Variants in NBAS observed in about 807,000 individuals in gnomAD.
The protein encoded by NBAS is NAG/BC035112 fusion.
NBAS carries 219 observed loss-of-function variants against 302.5 expected under a neutral mutation model. The ratio of observed to expected loss-of-function variants is 0.72; its 90% CI spans 0.65 to 0.81. NBAS has a LOEUF of 0.81. Ranked by LOEUF, NBAS falls within the 30% of genes least tolerant of loss-of-function variation. The pLI, the probability that NBAS is intolerant of heterozygous loss-of-function variation, is 0.00. For missense variants in NBAS, 2,932 were observed against 2,841.6 expected, an observed-to-expected ratio of 1.03 and a Z score of -0.72; for synonymous variants, 1,118 against 1,021.6, an observed-to-expected ratio of 1.09 and a Z score of -1.80.
At chr2:15,396,546 T>C (rs1675876520) in intron 26 of NBAS, 71 bp from the exon 27 acceptor site, 1 of 1,037,104 alleles carries the variant, frequency 9.6e-7, no homozygotes, top group African/African-American at 1.6e-5. Flanking sequence ...AATACAAAAC[T>C]TAATGAAGTG....
chr2:14,970,041 C>G, the NBAS span, among the ~76,000 whole-genome samples: 2 of 152,024 alleles, frequency 1.3e-5, no homozygotes, highest in Non-Finnish European at 2.9e-5. Context: ...TTTAAATAAA[C>G]TTTTAGAAAA....
At chr2:15,399,796 A>C (rs1465648879) in intron 26 of NBAS, among the ~76,000 whole-genome samples, 1 of 96,856 alleles carries the variant, frequency 1.0e-5, no homozygotes, top group Non-Finnish European at 2.5e-5. Flanking sequence ...AGATATTGAA[A>C]TCTTCTTTAA....
At chr2:14,908,250 C>A in the NBAS span, among the ~76,000 whole-genome samples, 1 of 152,316 alleles carries the variant, frequency 6.6e-6, no homozygotes, top group Non-Finnish European at 1.5e-5. Flanking sequence ...GTAGTCCCAG[C>A]TACTTGGGAG....
At chr2:15,148,153 T>G in the NBAS span, among the ~76,000 whole-genome samples, 1 of 152,126 alleles carries the variant, frequency 6.6e-6, no homozygotes, top group African/African-American at 2.4e-5. Context: ...CAGAAAGCAA[T>G]TAAATATTCA....
intron 21 of NBAS, among the ~76,000 whole-genome samples, chr2:15,443,693 G>C (rs897377076): frequency 4.0e-5 from 6 of 150,716 alleles, no homozygotes; most frequent in African/African-American, 1.5e-4. Flanking sequence ...TATTCAATTA[G>C]GAAAAGAGGA....
At chr2:14,960,062 G>A in the NBAS span, among the ~76,000 whole-genome samples, 1 of 152,046 alleles carries the variant, frequency 6.6e-6, no homozygotes, top group South Asian at 2.1e-4. Flanking sequence ...GAACTAAACT[G>A]CACTTGGAAA....
the NBAS span, among the ~76,000 whole-genome samples, chr2:14,959,634 C>G: frequency 2.0e-5 from 3 of 152,184 alleles, no homozygotes; most frequent in Non-Finnish European, 2.9e-5. Flanking sequence ...TCTTATACAT[C>G]GGTCACATTG....
intron 3 of NBAS, among the ~76,000 whole-genome samples, chr2:15,555,261 T>TAAAAA (rs770559877): frequency 7.4e-6 from 1 of 135,770 alleles, no homozygotes; most frequent in African/African-American, 2.7e-5. Flanking sequence ...GACCCTCTCT[T>TAAAAA]AAAAAAAAAA....
chr2:15,523,596 A>C (rs962145807), intron 9 of NBAS, among the ~76,000 whole-genome samples: 47 of 152,284 alleles, frequency 3.1e-4, no homozygotes, highest in African/African-American at 1.1e-3. Context: ...ACAGATACCA[A>C]GGAAGGACTG....
At chr2:14,914,155 C>T in the NBAS span, among the ~76,000 whole-genome samples, 3 of 152,270 alleles carry the variant, frequency 2.0e-5, no homozygotes, top group East Asian at 3.9e-4. Flanking sequence ...AGGAAACTGT[C>T]CCCATGATTC....
chr2:15,061,399 A>C, the NBAS span, among the ~76,000 whole-genome samples: 6 of 152,254 alleles, frequency 3.9e-5, no homozygotes, highest in Non-Finnish European at 7.3e-5. Context: ...AAATTAAATC[A>C]AATATGTAAA....
the NBAS span, among the ~76,000 whole-genome samples, chr2:15,046,279 A>G: frequency 6.6e-6 from 1 of 152,186 alleles, no homozygotes; most frequent in Non-Finnish European, 1.5e-5. Context: ...TTTAGTTCTT[A>G]AGGCTTAATT....
the NBAS span, among the ~76,000 whole-genome samples, chr2:15,001,970 C>T: frequency 2.6e-5 from 4 of 152,168 alleles, no homozygotes; most frequent in African/African-American, 7.2e-5. Flanking sequence ...CTTTTATTCT[C>T]TTCTCTGGCC....
the NBAS span, among the ~76,000 whole-genome samples, chr2:14,923,700 T>G: frequency 1.3e-5 from 2 of 152,116 alleles, no homozygotes; most frequent in Non-Finnish European, 2.9e-5. Context: ...CTAGAAACTT[T>G]CAAGTGGCCT....
the NBAS span, among the ~76,000 whole-genome samples, chr2:14,798,946 C>A: frequency 6.6e-6 from 1 of 151,970 alleles, no homozygotes; most frequent in East Asian, 1.9e-4. Context: ...TAATTTGTAT[C>A]CTTCTTTCTG....
At chr2:14,828,085 G>C in the NBAS span, among the ~76,000 whole-genome samples, 1 of 152,066 alleles carries the variant, frequency 6.6e-6, no homozygotes, top group South Asian at 2.1e-4. Flanking sequence ...ATGTTTATTG[G>C]ATACTGATTG....
the NBAS span, among the ~76,000 whole-genome samples, chr2:15,139,261 G>C: frequency 1.3e-5 from 2 of 151,944 alleles, no homozygotes; most frequent in Non-Finnish European, 2.9e-5. Flanking sequence ...AAAACTACCA[G>C]GAAAAAAGGA....
At chr2:15,240,501 C>T (rs1667817939) in intron 44 of NBAS, among the ~76,000 whole-genome samples, 1 of 151,306 alleles carries the variant, frequency 6.6e-6, no homozygotes, top group South Asian at 2.1e-4. Flanking sequence ...CCTGTAGTCC[C>T]AGCTACTCAG....
the NBAS span, among the ~76,000 whole-genome samples, chr2:15,065,800 T>A: frequency 6.6e-6 from 1 of 152,128 alleles, no homozygotes; most frequent in Non-Finnish European, 1.5e-5. Flanking sequence ...TTGTTACTGC[T>A]AAATTGCCCC....
Sources: allele counts gnomAD v4.1 joint callset (sites outside exome capture counted in the v4.1 genomes callset), GRCh38; gene constraint gnomAD v4.1.1; transcripts MANE v1.5; gene names NCBI Gene and HGNC (gene_info 2026-07-23, HGNC 2026-07-21).